The following UNC13C variants were observed in gnomAD, a reference collection of about 807,000 sequenced individuals.
UNC13C encodes protein unc-13 homolog C.
A neutral mutation model predicts 245.4 loss-of-function variants in UNC13C; 174 were observed. That is an observed-to-expected ratio of 0.71 (90% CI 0.63 to 0.80). UNC13C has a LOEUF of 0.80. UNC13C is among the 30% of genes least tolerant of loss of function. The pLI, the probability that UNC13C is intolerant of heterozygous loss-of-function variation, is 0.00. For synonymous variants in UNC13C, 992 were observed against 895.1 expected (o/e 1.11, Z -1.93); for missense variants, 2,829 against 2,602.9 (o/e 1.09, Z -1.89).
rs577796453 is a variant in UNC13C at position 54,164,581 on chromosome 15, G to C, written c.3071+20897G>C. On this transcript the variant is annotated intron_variant, in intron 4 of 32. Transcript: ENST00000260323. ...TGAGCCTTACATCTAGGTGAGAACA[G>C]GTATTGCAAGTGGTTACAGCATCTG... Among the ~76,000 whole-genome samples the C allele has an allele frequency of 2.0e-5, 3 of 152,340 alleles. No homozygotes were observed. The South Asian group carries it at 6.2e-4, about 32-fold the overall frequency.
chr15:54,157,507 G>C (rs2032799897), intron 4 of UNC13C, among the ~76,000 whole-genome samples: 1 of 152,046 alleles, frequency 6.6e-6, no homozygotes, highest in Admixed American at 6.6e-5. Context: ...TCAGAGGTAG[G>C]GTTTCTTGGA....
At chr15:54,321,547 C>G (rs768888402) in intron 13 of UNC13C, 8 of 441,454 alleles carry the variant, frequency 1.8e-5, no homozygotes, top group Non-Finnish European at 3.1e-5. Flanking sequence ...TTCTCATTAC[C>G]ACATAGCCTG....
intron 2 of UNC13C, among the ~76,000 whole-genome samples, chr15:54,039,875 C>T (rs867256074): frequency 6.6e-6 from 1 of 151,750 alleles, no homozygotes; most frequent in Middle Eastern, 3.4e-3. Context: ...CATCTCTGCA[C>T]TGGATGCAAT....
intron 32 of UNC13C, 78 bp downstream of exon 32, chr15:54,624,032 G>T (rs996403141): frequency 1.9e-6 from 3 of 1,553,182 alleles, no homozygotes; most frequent in Non-Finnish European, 2.6e-6. Flanking sequence ...GATTTGGAGT[G>T]TGAAGGGCTA....
chr15:54,026,862 G>A (rs934406721), intron 2 of UNC13C, among the ~76,000 whole-genome samples: 4 of 152,174 alleles, frequency 2.6e-5, no homozygotes, highest in Non-Finnish European at 4.4e-5. Flanking sequence ...CTGGGATATA[G>A]CAGTGACAAA....
At chr15:54,067,613 T>A (rs1474283790) in intron 2 of UNC13C, among the ~76,000 whole-genome samples, 1 of 152,208 alleles carries the variant, frequency 6.6e-6, no homozygotes, top group East Asian at 1.9e-4. Flanking sequence ...CAGTTTACAG[T>A]TTCGATAGAT....
the UNC13C span, among the ~76,000 whole-genome samples, chr15:53,950,342 C>G: frequency 2.0e-5 from 3 of 152,012 alleles, no homozygotes; most frequent in Non-Finnish European, 4.4e-5. Context: ...AGAAGATCTT[C>G]ATTTTTATTT....
At chr15:54,319,232 A>C (rs1212396013) in intron 13 of UNC13C, among the ~76,000 whole-genome samples, 1 of 150,384 alleles carries the variant, frequency 6.6e-6, no homozygotes, top group Non-Finnish European at 1.5e-5. Flanking sequence ...TAGGCATTAC[A>C]TTTTCCACAA....
At chr15:53,931,982 T>C in the UNC13C span, among the ~76,000 whole-genome samples, 3 of 152,084 alleles carry the variant, frequency 2.0e-5, no homozygotes, top group Non-Finnish European at 4.4e-5. Flanking sequence ...CTCATGTCAC[T>C]CTTAATTTGT....
chr15:53,982,156 C>T (rs1893952583), intron 1 of UNC13C, among the ~76,000 whole-genome samples: 1 of 152,110 alleles, frequency 6.6e-6, no homozygotes, highest in South Asian at 2.1e-4. Flanking sequence ...TACATTTTCA[C>T]AATCCCATCT....
rs1242222333 is a variant in UNC13C at position 54,014,980 on chromosome 15, A to G, written c.2077A>G (p.Lys693Glu). 1.2e-6 allele frequency: 2 copies of G among 1,613,680 alleles called. No individual in the cohort carries two copies. Among genetic ancestry groups the G allele is most frequent in the African/African-American group, 1.3e-5 (1 of 74,918 alleles). ...TGACCAACAGCTTGATGTTTACAAT[A>G]AAGACCTAGAATACTTGGGAAAGTG... is the stretch of plus-strand genomic sequence containing the variant. ...LFDQQLDVYN[K>E]DLEYLGKCHS... The change falls in exon 2 of 33, where the codon AAA (lysine) becomes GAA (glutamate). Residue 693 changes from lysine (K) to glutamate (E), a missense_variant. Transcript: ENST00000260323.
rs545751434 is a variant in UNC13C at position 54,340,466 on chromosome 15, G to A, written c.4713+1977G>A. ...CTATCATGAGTAGATTTTTGTATAAGATGAGAGATGAAGATCCAGTTTCAT... is the reference window on the plus strand; with the variant it reads ...CTATCATGAGTAGATTTTTGTATAAAATGAGAGATGAAGATCCAGTTTCAT... On this transcript the variant is annotated intron_variant, in intron 17 of 32. Transcript: ENST00000260323. 1.2e-4 allele frequency among the ~76,000 whole-genome samples: 18 copies of A among 152,280 alleles called. No homozygotes were observed. In the East Asian group the frequency reaches 2.3e-3, roughly 20 times the overall value.
chr15:53,978,872 A>T lies in UNC13C; in HGVS notation c.-312A>T, dbSNP rs1234882872. On this transcript the variant is annotated 5_prime_UTR_variant, in exon 1 of 33. Transcript: ENST00000260323. ...AGGAAAACACATACACTCCAAAAGG[A>T]GGGGAAGAACAACCCAGTTGGCGTG... 6.6e-6 allele frequency among the ~76,000 whole-genome samples: 1 copy of T among 152,178 alleles called. No homozygotes were observed. The highest frequency in any genetic ancestry group is 2.4e-5 in the African/African-American group (1 of 41,438).
intron 4 of UNC13C, among the ~76,000 whole-genome samples, chr15:54,177,401 C>A (rs2033652162): frequency 6.6e-6 from 1 of 152,070 alleles, no homozygotes; most frequent in Non-Finnish European, 1.5e-5. Context: ...AATTTGCATA[C>A]TCTGGAAAAG....
At chr15:54,254,716 T>A (rs1043828699) in intron 8 of UNC13C, among the ~76,000 whole-genome samples, 27 of 152,214 alleles carry the variant, frequency 1.8e-4, no homozygotes, top group African/African-American at 6.0e-4. Flanking sequence ...AGAACTCAGG[T>A]CTCTGAACTC....
At chr15:54,321,663 G>C (rs141015877) in intron 13 of UNC13C, 2 of 370,054 alleles carry the variant, frequency 5.4e-6, no homozygotes, top group Non-Finnish European at 9.7e-6. Context: ...AACTGACTTC[G>C]ACATGACAAC....
At chr15:53,970,406 G>T in the UNC13C span, among the ~76,000 whole-genome samples, 1 of 152,216 alleles carries the variant, frequency 6.6e-6, no homozygotes, top group African/African-American at 2.4e-5. Context: ...ATATTCCGTT[G>T]TATATAAATA....
chr15:54,211,558 T>C (rs1384549276), intron 4 of UNC13C, among the ~76,000 whole-genome samples: 1 of 152,076 alleles, frequency 6.6e-6, no homozygotes, highest in African/African-American at 2.4e-5. Flanking sequence ...TAGGGAAATA[T>C]GTCTACAGTT....
At chr15:54,448,889 A>C (rs181527918) in intron 19 of UNC13C, among the ~76,000 whole-genome samples, 1 of 152,004 alleles carries the variant, frequency 6.6e-6, no homozygotes, top group African/African-American at 2.4e-5. Context: ...TTACAATTTG[A>C]CATGTTTTTG....
Sources: gnomAD v4.1 joint callset for allele counts (sites outside exome capture counted in the v4.1 genomes callset) on GRCh38, gnomAD v4.1.1 for gene constraint, MANE v1.5 for transcripts, NCBI Gene and HGNC (gene_info 2026-07-23, HGNC 2026-07-21) for gene names.